The following SELENOV variants were observed in gnomAD, a reference collection of about 807,000 sequenced individuals.
SELENOV encodes selenoprotein V.
Under a neutral mutation model 21.6 loss-of-function variants are expected in SELENOV, and 25 were observed. The observed-to-expected ratio is 1.16, with a 90% CI of 0.84 to 1.62. The LOEUF (loss-of-function observed/expected upper bound fraction) is 1.62. SELENOV is among the 40% of genes most tolerant of loss of function. SELENOV has a pLI of 0.00. For synonymous variants in SELENOV, 227 were observed against 216.9 expected (o/e 1.05, Z -0.41); for missense variants, 472 against 459.0 (o/e 1.03, Z -0.26).
intron 5 of SELENOV, 47 bp from the exon 6 acceptor site, chr19:39,520,099 T>A (rs1409888544): frequency 4.6e-5 from 7 of 152,544 alleles, no homozygotes; most frequent in African/African-American, 1.2e-4. Flanking sequence ...TATGGAGCTG[T>A]CATTGTTATT....
At position 39,518,447 on chromosome 19, in the gene SELENOV, G is replaced by C; in HGVS notation, c.810-161G>C. The C allele has an allele frequency of 5.5e-6, 4 of 723,854 alleles. No homozygotes were observed. The South Asian group carries it at 6.9e-5, about 12-fold the overall frequency. 44.8% of individuals were successfully genotyped at this position (723,854 alleles called of 1,614,324 possible). On this transcript the variant is annotated intron_variant, in intron 1 of 5. Transcript: ENST00000335426. Reference sequence around the variant, plus strand: ...GGCTTGCAGGCCACGGGAAGGACTGGTTTTTCCCCTGCGTGAGATGGCACT... The same window carrying C: ...GGCTTGCAGGCCACGGGAAGGACTGCTTTTTCCCCTGCGTGAGATGGCACT...
Position 39,515,130 on chromosome 19 carries a change from C to T in SELENOV, c.-83C>T. 3.5e-6 allele frequency: 3 copies of T among 862,794 alleles called. No homozygotes were observed. Among genetic ancestry groups the T allele is most frequent in the South Asian group, 3.2e-5 (2 of 61,850 alleles). The allele number at this position is 862,794 out of a possible 1,614,324, so 53.4% of individuals were successfully genotyped here. ...AGTGGTCGCGCCGCGTCTCAGAACC[C>T]GGTGCGGGAGACGCTCTCCCCGCCC... is the stretch of plus-strand genomic sequence containing the variant. On this transcript the variant is annotated 5_prime_UTR_variant, in exon 1 of 6. Coordinates refer to ENST00000335426, the Ensembl canonical transcript of SELENOV. This position sits in a 1 kb window ranked among gnomAD's most constrained non-coding sequence, Gnocchi z 5.1.
Position 39,517,946 on chromosome 19 carries a change from C to T in SELENOV, c.810-662C>T, listed in dbSNP as rs1301408561. On this transcript the variant is annotated intron_variant, in intron 1 of 5. Transcript: ENST00000335426. ...CACCACTGCTCTCCAGCCTGGGCGA[C>T]AGAGCAAGACTCTGTCTCAAAAAAA... 4.9e-5 allele frequency among the ~76,000 whole-genome samples: 5 copies of T among 101,402 alleles called. No individual in the cohort carries two copies. The Admixed American group carries it at 7.4e-4, about 15-fold the overall frequency. 66.5% of individuals were successfully genotyped at this position (101,402 alleles called of 152,430 possible).
At chr19:39,516,746 A>G (rs2079698947) in intron 1 of SELENOV, among the ~76,000 whole-genome samples, 1 of 139,948 alleles carries the variant, frequency 7.1e-6, no homozygotes, top group African/African-American at 2.7e-5. Context: ...CCCAGGCTGG[A>G]GTGCAATGGC....
At chr19:39,519,565 C>T (rs2079718156) in intron 5 of SELENOV, among the ~76,000 whole-genome samples, 1 of 151,774 alleles carries the variant, frequency 6.6e-6, no homozygotes, top group African/African-American at 2.4e-5. Context: ...CTTTGAAAGC[C>T]TGAGGTGGGT....
intron 1 of SELENOV, among the ~76,000 whole-genome samples, chr19:39,518,127 CG>C (rs1363650394): frequency 1.3e-5 from 2 of 151,350 alleles, no homozygotes; most frequent in African/African-American, 4.8e-5. Flanking sequence ...AAAAATTACC[CG>C]GGCGTGGTGG....
intron 1 of SELENOV, among the ~76,000 whole-genome samples, chr19:39,518,203 G>A (rs537750618): frequency 2.6e-5 from 4 of 151,178 alleles, no homozygotes; most frequent in Non-Finnish European, 4.4e-5. Flanking sequence ...CCCGGGAGGC[G>A]GAGCTTGCAG....
intron 1 of SELENOV, 46 bp downstream of exon 1, chr19:39,516,067 G>C: frequency 6.6e-7 from 1 of 1,508,018 alleles, no homozygotes; most frequent in Non-Finnish European, 9.0e-7. Flanking sequence ...GGACAGGGCC[G>C]GCAGTGGGGG....
Position 39,515,261 on chromosome 19 carries a change from A to G in SELENOV, c.49A>G (p.Thr17Ala), listed in dbSNP as rs765427470. The G allele has an allele frequency of 1.9e-6, 3 of 1,550,114 alleles. No homozygotes were observed. The highest frequency in any genetic ancestry group is 2.5e-5 in the East Asian group (1 of 40,810). Residue 17 changes from threonine to alanine, a missense_variant, in exon 1 of 6, where the codon ACC becomes GCC. Transcript: ENST00000335426. The surrounding 1 kb of genome is among the most constrained non-coding windows in gnomAD (Gnocchi z 5.1). ...AGCCCCCTCCTCGGCGCGGACTTCA[A>G]CCTCAGTCCGGGCTTCTACCCCGAC...
rs1600763404 is a variant in SELENOV at position 39,516,337 on chromosome 19, G to A, written c.809+316G>A. On this transcript the variant is annotated intron_variant, in intron 1 of 5. Coordinates refer to ENST00000335426, the Ensembl canonical transcript of SELENOV. ...GCAGATCGATCTACTTTGCTCCCCA[G>A]CAAGACCAACCCAAAGACACCGCAC... is the stretch of plus-strand genomic sequence containing the variant. The A allele has an allele frequency of 7.8e-6, 4 of 514,166 alleles. No homozygotes were observed. The East Asian group carries it at 1.3e-4, about 17-fold the overall frequency. The allele number at this position is 514,166 out of a possible 1,614,324, so 31.9% of individuals were successfully genotyped here.
intron 1 of SELENOV, among the ~76,000 whole-genome samples, chr19:39,518,212 A>G (rs368290552): frequency 2.7e-5 from 4 of 150,910 alleles, no homozygotes; most frequent in African/African-American, 9.7e-5. Flanking sequence ...CGGAGCTTGC[A>G]GTGAGCTGAG....
In SELENOV at chr19:39,518,808, G is replaced by T. The variant is rs1246537143; in HGVS notation, c.888+15G>T. 2 of 1,613,728 alleles carry T rather than the reference G, an allele frequency of 1.2e-6. No homozygotes were observed. ...ACCTACTCTTTGTAAGTGTGTGGGG[G>T]TCCTGGGGGAGAGGGGGGTGGTCAG... On this transcript the variant is annotated intron_variant, in intron 3 of 5. Coordinates refer to ENST00000335426, the Ensembl canonical transcript of SELENOV.
Position 39,518,598 on chromosome 19 carries a change from T to G in SELENOV, c.810-10T>G. On this transcript the variant is annotated splice_polypyrimidine_tract_variant and intron_variant, in intron 1 of 5. Coordinates refer to ENST00000335426, the Ensembl canonical transcript of SELENOV. ...TCTCTTAACTTTCTCCTCCTGCTCT[T>G]GGCCTCCAGTGGCCTCTGAAGCTAT... 1 of 1,598,116 alleles carries G rather than the reference T, an allele frequency of 6.3e-7. No individual in the cohort carries two copies. Among genetic ancestry groups the G allele is most frequent in the Non-Finnish European group, 8.5e-7 (1 of 1,171,264 alleles).
At chr19:39,518,539 G>A in intron 1 of SELENOV, 69 bp from the exon 2 acceptor site, 1 of 1,495,216 alleles carries the variant, frequency 6.7e-7, no homozygotes, top group Non-Finnish European at 9.2e-7. Context: ...CCCTGAGCTG[G>A]GGAAGATACT....
rs374863818 is a variant in SELENOV, at chr19:39,517,991, A to AAAAAG, written c.810-617_810-616insAAAAG. On this transcript the variant is annotated intron_variant, in intron 1 of 5. Coordinates refer to ENST00000335426, the Ensembl canonical transcript of SELENOV. ...AAAAAAAAAAAAAAAAAAAAAAAAA[A>AAAAAG]GCCCAGCGCGGTGGCTCACGCCTGT... 3.3e-5 allele frequency among the ~76,000 whole-genome samples: 3 copies of AAAAAG among 92,090 alleles called. 1 individual carries two copies. The Admixed American group carries it at 3.7e-4, about 11-fold the overall frequency. 60.4% of individuals were successfully genotyped at this position (92,090 alleles called of 152,430 possible). A position where few individuals can be genotyped will look rare whatever the true frequency, so the allele number is the denominator to read the frequency against.
At chr19:39,518,450 T>C in intron 1 of SELENOV, 158 bp from the exon 2 acceptor site, 1 of 734,078 alleles carries the variant, frequency 1.4e-6, no homozygotes, top group Non-Finnish European at 2.4e-6. Context: ...AGGACTGGTT[T>C]TTCCCCTGCG....
intron 5 of SELENOV, among the ~76,000 whole-genome samples, chr19:39,519,925 A>ACTG (rs201887659): frequency 0.024 from 3,425 of 141,920 alleles, 133 homozygotes; most frequent in African/African-American, 0.085. Flanking sequence ...AGATGGCGCC[A>ACTG]CTGCACTCCA....
chr19:39,519,789 C>G (rs572666668), intron 5 of SELENOV, among the ~76,000 whole-genome samples: 5 of 151,670 alleles, frequency 3.3e-5, no homozygotes, highest in African/African-American at 2.4e-5. Context: ...CACGGTGAAA[C>G]CTTGTCTGTA....
chr19:39,518,587 C>T, intron 1 of SELENOV, 21 bp from the exon 2 acceptor site: 2 of 1,591,182 alleles, frequency 1.3e-6, no homozygotes, highest in Non-Finnish European at 8.6e-7. Flanking sequence ...TTAACTTTCT[C>T]CTCCTGCTCT....
Sources: gnomAD v4.1 joint callset for allele counts (sites outside exome capture counted in the v4.1 genomes callset) on GRCh38, gnomAD v4.1.1 for gene constraint, Gnocchi (gnomAD v3.1) non-coding constraint, MANE v1.5 for transcripts, NCBI Gene and HGNC (gene_info 2026-07-23, HGNC 2026-07-21) for gene names.